Variants in C12orf54 observed in about 807,000 individuals in gnomAD.
The protein encoded by C12orf54 is uncharacterized protein C12orf54.
C12orf54 carries 24 observed loss-of-function variants against 26.4 expected under a neutral mutation model. The ratio of observed to expected loss-of-function variants is 0.91; its 90% CI spans 0.66 to 1.28. The LOEUF is 1.28. Ranked by LOEUF, C12orf54 falls within the 50% of genes most tolerant of loss-of-function variation. The probability of loss-of-function intolerance (pLI) is 0.00; values close to 1 mark genes in which losing one functional copy is unlikely to be tolerated. For missense variants in C12orf54, 154 were observed against 150.9 expected, an observed-to-expected ratio of 1.02 and a Z score of -0.11; for synonymous variants, 54 against 47.0, an observed-to-expected ratio of 1.15 and a Z score of -0.61.
At chr12:48,492,855 A>T (rs1937821068) in intron 6 of C12orf54, 92 bp from the exon 7 acceptor site, 2 of 1,165,570 alleles carry the variant, frequency 1.7e-6, no homozygotes, top group South Asian at 2.5e-5. Flanking sequence ...TCCCACTTTG[A>T]CTATACTTCA....
the C12orf54 span, among the ~76,000 whole-genome samples, chr12:48,424,458 C>T: frequency 1.3e-4 from 19 of 151,988 alleles, no homozygotes; most frequent in Non-Finnish European, 2.1e-4. Flanking sequence ...CAAGGCCATC[C>T]GGACCTGGAG....
At chr12:48,473,345 G>A in the C12orf54 span, 33 of 1,158,828 alleles carry the variant, frequency 2.8e-5, no homozygotes, top group Non-Finnish European at 4.2e-5. Context: ...ATGAAGAAGA[G>A]CTTGGTGAAG....
the C12orf54 span, among the ~76,000 whole-genome samples, chr12:48,453,880 A>G: frequency 6.6e-6 from 1 of 151,884 alleles, no homozygotes; most frequent in African/African-American, 2.4e-5. Context: ...ACCTTGAGAA[A>G]ACAAAGAAGG....
chr12:48,459,868 G>A, the C12orf54 span, among the ~76,000 whole-genome samples: 1 of 152,258 alleles, frequency 6.6e-6, no homozygotes, highest in Non-Finnish European at 1.5e-5. Flanking sequence ...GCCAAACAGG[G>A]AGGCTCACCT....
the C12orf54 span, among the ~76,000 whole-genome samples, chr12:48,438,393 G>GA: frequency 2.0e-3 from 299 of 152,150 alleles, 1 homozygote; most frequent in African/African-American, 6.7e-3. Flanking sequence ...CACAGAATTG[G>GA]AAAAAACTAC....
At chr12:48,436,452 A>T in the C12orf54 span, among the ~76,000 whole-genome samples, 2 of 152,170 alleles carry the variant, frequency 1.3e-5, no homozygotes, top group Admixed American at 6.5e-5. Flanking sequence ...TCAACACAAT[A>T]TACATTTTTT....
At chr12:48,478,970 G>T (rs761745528), upstream of C12orf54, among the ~76,000 whole-genome samples, 2 of 152,152 alleles carry the variant, frequency 1.3e-5, no homozygotes, top group Non-Finnish European at 2.9e-5. Context: ...ATTCCTCAGG[G>T]ATCTAGAACT....
chr12:48,493,336 A>C (rs61940779), intron 7 of C12orf54, among the ~76,000 whole-genome samples: 19,288 of 152,248 alleles, frequency 0.13, 1,613 homozygotes, highest in Non-Finnish European at 0.2. Flanking sequence ...AGAAGGAATA[A>C]AGAATCAAGG....
chr12:48,434,263 G>A, the C12orf54 span, among the ~76,000 whole-genome samples: 10 of 152,182 alleles, frequency 6.6e-5, no homozygotes, highest in Non-Finnish European at 1.5e-4. Flanking sequence ...AAAGTGGCTG[G>A]GAAGCTCGAA....
chr12:48,473,403 G>C, the C12orf54 span: 630 of 758,404 alleles, frequency 8.3e-4, no homozygotes, highest in Non-Finnish European at 1.3e-3. Context: ...TGAGGGAGAA[G>C]ACGATGCCTA....
the C12orf54 span, among the ~76,000 whole-genome samples, chr12:48,470,833 T>G: frequency 7.6e-3 from 1,157 of 152,218 alleles, 15 homozygotes; most frequent in African/African-American, 0.026. Context: ...TTTTTAAAAT[T>G]TTGTGGGTGC....
the C12orf54 span, among the ~76,000 whole-genome samples, chr12:48,464,910 T>C: frequency 1.3e-5 from 2 of 152,144 alleles, no homozygotes; most frequent in South Asian, 4.1e-4. Context: ...TATACAAAAA[T>C]TACCTCAAGA....
the C12orf54 span, chr12:48,473,196 G>A: frequency 1.5e-6 from 2 of 1,357,388 alleles, no homozygotes; most frequent in Non-Finnish European, 1.1e-6. Flanking sequence ...GGATGAGGAG[G>A]AGTATGATGA....
chr12:48,470,262 A>G, the C12orf54 span, among the ~76,000 whole-genome samples: 1 of 152,232 alleles, frequency 6.6e-6, no homozygotes, highest in Non-Finnish European at 1.5e-5. Flanking sequence ...TCTTTGAGAA[A>G]TCTCCAAACT....
At chr12:48,440,431 A>G in the C12orf54 span, among the ~76,000 whole-genome samples, 1 of 152,216 alleles carries the variant, frequency 6.6e-6, no homozygotes, top group Non-Finnish European at 1.5e-5. Context: ...CCTCAAATAT[A>G]GTTCTCATTA....
the C12orf54 span, among the ~76,000 whole-genome samples, chr12:48,465,544 C>G: frequency 6.6e-6 from 1 of 152,126 alleles, no homozygotes; most frequent in Non-Finnish European, 1.5e-5. Flanking sequence ...ACCATTCAAC[C>G]TAGCAATCTC....
the C12orf54 span, among the ~76,000 whole-genome samples, chr12:48,466,544 TA>T: frequency 0.74 from 109,678 of 147,378 alleles, 41,303 homozygotes; most frequent in Middle Eastern, 0.82. Flanking sequence ...AACTTTGCCT[TA>T]AAAAAAAAAA....
At chr12:48,456,705 C>T in the C12orf54 span, among the ~76,000 whole-genome samples, 1 of 152,312 alleles carries the variant, frequency 6.6e-6, no homozygotes, top group East Asian at 1.9e-4. Context: ...AGCATATTGT[C>T]TAGCCCATTA....
At chr12:48,432,860 A>G in the C12orf54 span, among the ~76,000 whole-genome samples, 1 of 137,826 alleles carries the variant, frequency 7.3e-6, no homozygotes, top group African/African-American at 2.5e-5. Context: ...CAAGAGTGAA[A>G]CTTTTTCTAC....
Sources: gnomAD v4.1 joint callset for allele counts (sites outside exome capture counted in the v4.1 genomes callset) on GRCh38, gnomAD v4.1.1 for gene constraint, MANE v1.5 for transcripts, NCBI Gene and HGNC (gene_info 2026-07-23, HGNC 2026-07-21) for gene names.